The following SMARCA4 variants were observed in gnomAD, a reference collection of about 807,000 sequenced individuals.
The protein encoded by SMARCA4 is SWI/SNF related BAF chromatin remodeling complex subunit ATPase 4.
A neutral mutation model predicts 193.9 loss-of-function variants in SMARCA4; 31 were observed. The observed-to-expected ratio is 0.16, with a 90% CI of 0.12 to 0.22. The LOEUF is 0.22. SMARCA4 is among the 10% of genes least tolerant of loss of function. The pLI is 1.00. For synonymous variants in SMARCA4, 942 were observed against 933.1 expected (o/e 1.01, Z -0.17); for missense variants, 1,148 against 2,296.0 (o/e 0.50, Z 10.22).
chr19:11,059,699 C>A (rs2147110896), intron 32 of SMARCA4, 54 bp from the exon 33 acceptor site: 1 of 1,542,298 alleles, frequency 6.5e-7, no homozygotes, highest in Non-Finnish European at 8.8e-7. Flanking sequence ...CAGGGCCGGG[C>A]AGGCAGCCCT....
intron 29 of SMARCA4, chr19:11,039,754 A>T (rs1308996425): frequency 5.2e-6 from 2 of 382,438 alleles, no homozygotes; most frequent in Non-Finnish European, 9.2e-6. Context: ...TTAAAGTCCA[A>T]CCAGGGCAAT....
chr19:10,989,584 A>C, intron 7 of SMARCA4, 141 bp downstream of exon 7: 2 of 923,930 alleles, frequency 2.2e-6, no homozygotes, highest in Non-Finnish European at 3.4e-6. Context: ...ATGGGCACTC[A>C]ATCACTGCAG....
chr19:11,054,437 C>G (rs1378166102), intron 30 of SMARCA4, among the ~76,000 whole-genome samples: 1 of 152,210 alleles, frequency 6.6e-6, no homozygotes, highest in African/African-American at 2.4e-5. Flanking sequence ...AGCAGCCAAC[C>G]TCGGCCCAGG....
chr19:11,006,222 TTAAGA>T (rs1260623826), intron 13 of SMARCA4, among the ~76,000 whole-genome samples: 1 of 152,224 alleles, frequency 6.6e-6, no homozygotes, highest in African/African-American at 2.4e-5. Flanking sequence ...CAAGAATAGT[TTAAGA>T]TAAGGAAATG....
chr19:11,059,795 G>A lies in SMARCA4; in HGVS notation c.4678G>A (p.Val1560Met), dbSNP rs374983142. 21 of 1,607,246 alleles carry A rather than the reference G, an allele frequency of 1.3e-5. No homozygotes were observed. The highest frequency in any genetic ancestry group is 1.2e-4 in the South Asian group (11 of 89,982). Residue 1560 changes from valine (V) to methionine (M), a missense_variant, in exon 33 of 35, where the codon GTG becomes ATG. Transcript: ENST00000344626. ...CGTCTTGCAGTCGGTCTTCACCAGCGTGCGGCAGAAAATCGAGAAGGAGGA... is the reference window on the plus strand; with the variant it reads ...CGTCTTGCAGTCGGTCTTCACCAGCATGCGGCAGAAAATCGAGAAGGAGGA... ...SIVLQSVFTSVRQKIEKEDDS... is the reference protein window; with the variant it reads ...SIVLQSVFTSMRQKIEKEDDS...
intron 1 of SMARCA4, among the ~76,000 whole-genome samples, chr19:10,973,127 A>G (rs1174684549): frequency 2.0e-5 from 3 of 151,864 alleles, no homozygotes; most frequent in African/African-American, 7.3e-5. Flanking sequence ...AAAAAAAAGA[A>G]TGGGGTTATT....
intron 11 of SMARCA4, 98 bp from the exon 12 acceptor site, chr19:11,002,931 G>A (rs1206142846): frequency 5.1e-6 from 7 of 1,378,740 alleles, no homozygotes; most frequent in East Asian, 2.3e-5. Context: ...GCCATTTTCT[G>A]TGCAAACAGT....
intron 16 of SMARCA4, among the ~76,000 whole-genome samples, chr19:11,015,831 AC>A (rs2089303186): frequency 6.6e-6 from 1 of 151,514 alleles, no homozygotes; most frequent in African/African-American, 2.4e-5. Context: ...ACATGGTGAA[AC>A]CCTGTCCCTA....
chr19:10,966,748 C>T (rs1405919233), intron 1 of SMARCA4, among the ~76,000 whole-genome samples: 1 of 152,112 alleles, frequency 6.6e-6, no homozygotes, highest in African/African-American at 2.4e-5. Context: ...ATTAGCTGGG[C>T]ATGGTGGTGT....
chr19:10,963,438 C>G (rs1389690946), intron 1 of SMARCA4, among the ~76,000 whole-genome samples: 4 of 148,690 alleles, frequency 2.7e-5, no homozygotes, highest in African/African-American at 9.9e-5. Context: ...GTAAGGGATA[C>G]AGGTTAGTTG....
chr19:10,969,994 G>T (rs1206968378), intron 1 of SMARCA4, among the ~76,000 whole-genome samples: 1 of 152,154 alleles, frequency 6.6e-6, no homozygotes. Context: ...GCCCTCTGAG[G>T]TATGATATGG....
At chr19:11,043,062 G>A (rs1048832245) in intron 30 of SMARCA4, among the ~76,000 whole-genome samples, 4 of 152,112 alleles carry the variant, frequency 2.6e-5, no homozygotes, top group African/African-American at 7.2e-5. Context: ...AGGCCAAGGC[G>A]GGCGGATCAC....
In SMARCA4 at chr19:10,987,727, A is replaced by G. The variant is rs1599967076; in HGVS notation, c.921A>G (p.Pro307=). ...STPQKLIPPQ[P]TGRPSPAPPA... is the part of the protein sequence containing the mutation. ...CTCAGAAGCTGATTCCCCCGCAGCC[A>G]ACGGGCCGCCCTTCCCCCGCGCCCC... Residue 307 remains proline (P), a synonymous_variant, in exon 6 of 35, where the codon CCA becomes CCG. Transcript: ENST00000344626. The surrounding 1 kb of genome is among the most constrained non-coding windows in gnomAD (Gnocchi z 5.3). 2.5e-6 allele frequency: 4 copies of G among 1,608,722 alleles called. No homozygotes were observed. In the South Asian group the frequency reaches 3.3e-5, roughly 13 times the overall value.
At chr19:11,008,137 G>A (rs143260463) in intron 14 of SMARCA4, 114 bp downstream of exon 14, 7 of 1,109,940 alleles carry the variant, frequency 6.3e-6, no homozygotes, top group African/African-American at 4.6e-5. Flanking sequence ...CCAGCCAGCT[G>A]CTACTGTGGA....
At chr19:10,963,816 A>T (rs997336897) in intron 1 of SMARCA4, among the ~76,000 whole-genome samples, 11 of 145,420 alleles carry the variant, frequency 7.6e-5, no homozygotes, top group Non-Finnish European at 1.0e-4. Flanking sequence ...TCCGGGCTGG[A>T]GTGCAATGCC....
chr19:11,052,513 G>A (rs2076316735), intron 30 of SMARCA4, among the ~76,000 whole-genome samples: 2 of 152,170 alleles, frequency 1.3e-5, no homozygotes, highest in African/African-American at 4.8e-5. Context: ...CATTCTCTGA[G>A]CCAACGGCCC....
At chr19:11,051,247 G>A (rs2076242642) in intron 30 of SMARCA4, among the ~76,000 whole-genome samples, 1 of 152,160 alleles carries the variant, frequency 6.6e-6, no homozygotes, top group Non-Finnish European at 1.5e-5. Context: ...CAAGGCAACT[G>A]GTTTAGAAGA....
intron 13 of SMARCA4, among the ~76,000 whole-genome samples, chr19:11,006,823 T>C (rs2088256619): frequency 6.6e-6 from 1 of 151,690 alleles, no homozygotes; most frequent in Non-Finnish European, 1.5e-5. Context: ...CAGTGGCTCA[T>C]ACCTGTAATC....
intron 22 of SMARCA4, 141 bp from the exon 23 acceptor site, chr19:11,026,159 G>T (rs1251210779): frequency 3.0e-5 from 22 of 739,216 alleles, no homozygotes; most frequent in South Asian, 2.8e-5. Flanking sequence ...ATCTGTGTCT[G>T]GTCTCAGAGC....
Sources: gnomAD v4.1 joint callset for allele counts (sites outside exome capture counted in the v4.1 genomes callset) on GRCh38, gnomAD v4.1.1 for gene constraint, Gnocchi (gnomAD v3.1) non-coding constraint, MANE v1.5 for transcripts, NCBI Gene and HGNC (gene_info 2026-07-23, HGNC 2026-07-21) for gene names.